TOP6BL: variants seen among roughly 807,000 people sequenced by gnomAD.
The protein encoded by TOP6BL is TOP6B like initiator of meiotic double strand breaks, also known as type 2 DNA topoisomerase 6 subunit B-like.
At chr11:66,761,129 T>G in the TOP6BL span, among the ~76,000 whole-genome samples, 1 of 152,014 alleles carries the variant, frequency 6.6e-6, no homozygotes, top group Admixed American at 6.6e-5. Context: ...CCCAGCACTT[T>G]GGGAGGCTGA....
chr11:66,822,739 C>CA, the TOP6BL span: 1 of 1,153,970 alleles, frequency 8.7e-7, no homozygotes, highest in Non-Finnish European at 1.3e-6. Flanking sequence ...TACGGTGGCT[C>CA]ATGCCTATAA....
the TOP6BL span, among the ~76,000 whole-genome samples, chr11:66,763,258 A>C: frequency 6.6e-6 from 1 of 152,190 alleles, no homozygotes; most frequent in Non-Finnish European, 1.5e-5. Context: ...GATCAGATGT[A>C]TTCCCCTTTT....
At chr11:66,774,286 T>C in the TOP6BL span, among the ~76,000 whole-genome samples, 1 of 152,204 alleles carries the variant, frequency 6.6e-6, no homozygotes, top group African/African-American at 2.4e-5. Flanking sequence ...ACTAAGATTC[T>C]ATATATGCTT....
the TOP6BL span, among the ~76,000 whole-genome samples, chr11:66,779,723 T>G: frequency 9.2e-5 from 14 of 152,202 alleles, no homozygotes; most frequent in African/African-American, 3.4e-4. Flanking sequence ...GTATGTTTAC[T>G]GCGGCACTAT....
At chr11:66,807,512 G>A in the TOP6BL span, among the ~76,000 whole-genome samples, 8 of 152,112 alleles carry the variant, frequency 5.3e-5, no homozygotes, top group East Asian at 3.9e-4. Context: ...CGGTGGTTGC[G>A]GTGAGCCGAG....
At chr11:66,774,981 C>A in the TOP6BL span, among the ~76,000 whole-genome samples, 2 of 151,358 alleles carry the variant, frequency 1.3e-5, no homozygotes, top group African/African-American at 4.8e-5. Context: ...GGCATGGTGG[C>A]GGGCGCCTGT....
At chr11:66,749,037 G>A in the TOP6BL span, among the ~76,000 whole-genome samples, 1 of 151,950 alleles carries the variant, frequency 6.6e-6, no homozygotes, top group Non-Finnish European at 1.5e-5. Flanking sequence ...TAAACTTGAA[G>A]TGTTAGCTTT....
the TOP6BL span, among the ~76,000 whole-genome samples, chr11:66,760,994 CTT>C: frequency 3.6e-4 from 49 of 137,184 alleles, no homozygotes; most frequent in Non-Finnish European, 4.0e-4. Flanking sequence ...CTTAAAGCAC[CTT>C]TTTTTTTTTT....
At chr11:66,770,516 C>T in the TOP6BL span, among the ~76,000 whole-genome samples, 1 of 152,008 alleles carries the variant, frequency 6.6e-6, no homozygotes, top group Non-Finnish European at 1.5e-5. Flanking sequence ...CAAGCCTGGC[C>T]AACATAGTGA....
At chr11:66,839,022 C>T in the TOP6BL span, 20 of 418,670 alleles carry the variant, frequency 4.8e-5, no homozygotes, top group East Asian at 7.2e-5. Context: ...TGAGCCACCG[C>T]GCCCGGCCTG....
At chr11:66,818,597 C>T in the TOP6BL span, among the ~76,000 whole-genome samples, 31 of 152,276 alleles carry the variant, frequency 2.0e-4, no homozygotes, top group African/African-American at 7.5e-4. Flanking sequence ...CTGATACCAA[C>T]TTCCTCAATG....
chr11:66,821,723 A>T, the TOP6BL span: 1 of 1,613,454 alleles, frequency 6.2e-7, no homozygotes, highest in Non-Finnish European at 8.5e-7. Flanking sequence ...CATCCAATTC[A>T]CTGTGGACAA....
the TOP6BL span, among the ~76,000 whole-genome samples, chr11:66,787,855 C>T: frequency 6.6e-6 from 1 of 152,004 alleles, no homozygotes; most frequent in Non-Finnish European, 1.5e-5. Context: ...AATATCAGAA[C>T]TATCAGTTCT....
At chr11:66,756,336 C>CT in the TOP6BL span, 4 of 1,203,574 alleles carry the variant, frequency 3.3e-6, no homozygotes, top group South Asian at 3.0e-5. Flanking sequence ...CCTTTTCCCC[C>CT]CTTTTTTTTT....
the TOP6BL span, among the ~76,000 whole-genome samples, chr11:66,826,691 A>AT: frequency 2.1e-5 from 3 of 139,558 alleles, no homozygotes; most frequent in South Asian, 2.3e-4. Flanking sequence ...TTATTTATTT[A>AT]TTTTTTTTGA....
At chr11:66,745,954 G>C in the TOP6BL span, among the ~76,000 whole-genome samples, 3 of 152,244 alleles carry the variant, frequency 2.0e-5, no homozygotes, top group Middle Eastern at 3.4e-3. Flanking sequence ...GGGATTACAG[G>C]CGCACGCCGC....
chr11:66,826,918 G>T, the TOP6BL span, among the ~76,000 whole-genome samples: 1 of 150,242 alleles, frequency 6.7e-6, no homozygotes, highest in Non-Finnish European at 1.5e-5. Flanking sequence ...CCCGACCTCA[G>T]GTGATCCGCC....
chr11:66,746,645 C>T, the TOP6BL span, among the ~76,000 whole-genome samples: 4 of 151,830 alleles, frequency 2.6e-5, no homozygotes, highest in East Asian at 3.9e-4. Flanking sequence ...ACCCAGGGGG[C>T]GGAGGTTGCA....
chr11:66,758,043 G>A, the TOP6BL span: 3 of 701,580 alleles, frequency 4.3e-6, no homozygotes, highest in African/African-American at 3.9e-5. Flanking sequence ...CACATTTTCT[G>A]AGGGATAGAT....
Sources: gnomAD v4.1 joint callset for allele counts (sites outside exome capture counted in the v4.1 genomes callset) on GRCh38, gnomAD v4.1.1 for gene constraint, MANE v1.5 for transcripts, NCBI Gene and HGNC (gene_info 2026-07-23, HGNC 2026-07-21) for gene names.